MAML2: variants seen among roughly 807,000 people sequenced by gnomAD.
The protein encoded by MAML2 is mastermind like transcriptional coactivator 2.
MAML2 carries 22 observed loss-of-function variants against 96.1 expected under a neutral mutation model. That is an observed-to-expected ratio of 0.23 (90% CI 0.16 to 0.33). The LOEUF (loss-of-function observed/expected upper bound fraction) is 0.33, where lower values mean the gene tolerates loss of function less well. MAML2 is among the 10% of genes least tolerant of loss of function. MAML2 has a pLI of 1.00. For synonymous variants in MAML2, 561 were observed against 521.3 expected, an observed-to-expected ratio of 1.08 and a Z score of -1.04; for missense variants, 1,367 against 1,392.4, an observed-to-expected ratio of 0.98 and a Z score of 0.29.
intron 1 of MAML2, among the ~76,000 whole-genome samples, chr11:96,095,464 C>A (rs1859809230): frequency 2.0e-5 from 3 of 152,092 alleles, no homozygotes; most frequent in Admixed American, 6.6e-5. Context: ...GGAACCTGAC[C>A]CAAGACAGGG....
At position 96,092,517 on chromosome 11, in the gene MAML2, C is replaced by T. The variant is rs1008892293; in HGVS notation, c.1514G>A (p.Gly505Asp). 3.8e-6 allele frequency: 6 copies of T among 1,594,790 alleles called. No individual in the cohort carries two copies. The highest frequency in any genetic ancestry group is 5.1e-6 in the Non-Finnish European group (6 of 1,168,324). The stretch of plus-strand genomic sequence containing the variant: ...GTAGTTAGCCATTACTTTCGACTGG[C>T]CGCTGCCGCCAGCTACCCCAGGCAT... Reference protein sequence around the residue: ...SPMPGVAGGSGQSKVMANYMY... With the variant: ...SPMPGVAGGSDQSKVMANYMY... The change falls in exon 2 of 5, where the codon GGC (glycine) becomes GAC (aspartate). Residue 505 changes from glycine (G) to aspartate (D), a missense_variant. Coordinates refer to ENST00000524717, the MANE Select transcript of MAML2 (RefSeq NM_032427.4). This position sits in a 1 kb window ranked among gnomAD's most constrained non-coding sequence, Gnocchi z 4.1.
At chr11:96,030,977 G>A (rs1284049466) in intron 2 of MAML2, among the ~76,000 whole-genome samples, 2 of 152,186 alleles carry the variant, frequency 1.3e-5, no homozygotes, top group African/African-American at 2.4e-5. Flanking sequence ...TGAACACCTA[G>A]AGCATTCCTA....
At chr11:96,243,819 A>G (rs901168025) in intron 1 of MAML2, among the ~76,000 whole-genome samples, 1 of 151,900 alleles carries the variant, frequency 6.6e-6, no homozygotes, top group Non-Finnish European at 1.5e-5. Flanking sequence ...ACGCCTGGCT[A>G]ATTTTTTGTA....
intron 1 of MAML2, among the ~76,000 whole-genome samples, chr11:96,270,323 T>C (rs1419387757): frequency 6.6e-6 from 1 of 152,222 alleles, no homozygotes; most frequent in African/African-American, 2.4e-5. Flanking sequence ...CCATTTCTTT[T>C]CTTTGAGATG....
At chr11:96,259,762 C>T (rs1422803954) in intron 1 of MAML2, among the ~76,000 whole-genome samples, 6 of 152,148 alleles carry the variant, frequency 3.9e-5, no homozygotes, top group Non-Finnish European at 8.8e-5. Flanking sequence ...AAACCAGTTT[C>T]CTGCTTGCAA....
chr11:96,202,064 T>A (rs1339952202), intron 1 of MAML2, among the ~76,000 whole-genome samples: 1 of 149,268 alleles, frequency 6.7e-6, no homozygotes, highest in Non-Finnish European at 1.5e-5. Context: ...CCGGGCATGG[T>A]GGCTCGCGCC....
At chr11:96,024,562 C>A (rs974311251) in intron 2 of MAML2, among the ~76,000 whole-genome samples, 1 of 152,184 alleles carries the variant, frequency 6.6e-6, no homozygotes, top group East Asian at 1.9e-4. Context: ...TTTGAGTAGG[C>A]TGGTCATAGG....
chr11:96,122,744 G>A (rs948223220), intron 1 of MAML2, among the ~76,000 whole-genome samples: 1 of 152,168 alleles, frequency 6.6e-6, no homozygotes, highest in Non-Finnish European at 1.5e-5. Context: ...AGAGGGAAAA[G>A]CTCAATTATA....
At chr11:96,204,171 A>G (rs1382389961) in intron 1 of MAML2, among the ~76,000 whole-genome samples, 1 of 152,184 alleles carries the variant, frequency 6.6e-6, no homozygotes, top group African/African-American at 2.4e-5. Flanking sequence ...AGCAGGGACA[A>G]AAGGGTGTAG....
intron 1 of MAML2, among the ~76,000 whole-genome samples, chr11:96,112,058 A>T (rs375043341): frequency 1.1e-4 from 16 of 152,222 alleles, no homozygotes; most frequent in African/African-American, 3.9e-4. Context: ...TGCCACGTGG[A>T]AGGCCAGAGA....
rs565375263 is a variant in MAML2 at position 96,331,535 on chromosome 11, G to A, written c.513+9848C>T. Among the ~76,000 whole-genome samples the A allele has an allele frequency of 7.9e-5, 12 of 151,902 alleles. No homozygotes were observed. The South Asian group carries it at 1.7e-3, about 21-fold the overall frequency. The stretch of plus-strand genomic sequence containing the variant: ...TTTAAGGCCAGGCGCAGTGCCTCAC[G>A]CCTGTAATCCCAGCACTTTTTGGAG... On this transcript the variant is annotated intron_variant, in intron 1 of 4. Transcript: ENST00000524717.
At chr11:96,261,687 T>G (rs906065229) in intron 1 of MAML2, among the ~76,000 whole-genome samples, 1 of 152,234 alleles carries the variant, frequency 6.6e-6, no homozygotes, top group African/African-American at 2.4e-5. Flanking sequence ...GCCTGGTCCC[T>G]AGCTAGTGAC....
intron 3 of MAML2, among the ~76,000 whole-genome samples, chr11:95,986,283 C>A (rs1857827444): frequency 6.6e-6 from 1 of 151,930 alleles, no homozygotes; most frequent in South Asian, 2.1e-4. Context: ...CGGCTTACTG[C>A]AACCTCTGCC....
chr11:96,259,103 T>C (rs1862711288), intron 1 of MAML2, among the ~76,000 whole-genome samples: 1 of 152,242 alleles, frequency 6.6e-6, no homozygotes, highest in South Asian at 2.1e-4. Context: ...TTTAAACTTG[T>C]ATCTTGAAGT....
Position 96,224,692 on chromosome 11 carries a change from G to A in MAML2, c.513+116691C>T, listed in dbSNP as rs11021477. 6.5e-3 allele frequency among the ~76,000 whole-genome samples: 984 copies of A among 152,202 alleles called. 4 individuals carry two copies. Among genetic ancestry groups the A allele is most frequent in the Middle Eastern group, 0.014 (4 of 294 alleles). On this transcript the variant is annotated intron_variant, in intron 1 of 4. Coordinates refer to ENST00000524717, the MANE Select transcript of MAML2 (RefSeq NM_032427.4). The stretch of plus-strand genomic sequence containing the variant: ...CTTCTCTGGGACAGATTATATCTTT[G>A]TCACCTCTGCATAAGTGTATCCCCT...
At chr11:96,226,979 G>C (rs1591083157) in intron 1 of MAML2, among the ~76,000 whole-genome samples, 1 of 152,154 alleles carries the variant, frequency 6.6e-6, no homozygotes, top group African/African-American at 2.4e-5. Flanking sequence ...ACGTTCAATG[G>C]AGGAATATGA....
At chr11:96,211,209 A>T (rs1318899627) in intron 1 of MAML2, among the ~76,000 whole-genome samples, 2 of 152,202 alleles carry the variant, frequency 1.3e-5, no homozygotes, top group African/African-American at 2.4e-5. Context: ...CACTGTTAGC[A>T]TCTTGATGTG....
chr11:96,197,175 C>T (rs757853101), intron 1 of MAML2, among the ~76,000 whole-genome samples: 1 of 152,190 alleles, frequency 6.6e-6, no homozygotes, highest in African/African-American at 2.4e-5. Context: ...GCCCCACTTA[C>T]TCAGAGTCAC....
At chr11:95,996,065 G>GA (rs1857986640) in intron 2 of MAML2, among the ~76,000 whole-genome samples, 1 of 137,868 alleles carries the variant, frequency 7.3e-6, no homozygotes, top group Non-Finnish European at 1.6e-5. Context: ...AAAGTTGAAG[G>GA]AAAAATCAAT....
Sources: gnomAD v4.1 joint callset for allele counts (sites outside exome capture counted in the v4.1 genomes callset) on GRCh38, gnomAD v4.1.1 for gene constraint, Gnocchi (gnomAD v3.1) non-coding constraint, MANE v1.5 for transcripts, NCBI Gene and HGNC (gene_info 2026-07-23, HGNC 2026-07-21) for gene names.